The following ERBB3 variants were observed in gnomAD, a reference collection of about 807,000 sequenced individuals.
The protein encoded by ERBB3 is receptor tyrosine-protein kinase erbB-3.
Under a neutral mutation model 156.7 loss-of-function variants are expected in ERBB3, and 96 were observed. The ratio of observed to expected loss-of-function variants is 0.61; its 90% CI spans 0.52 to 0.73. The LOEUF is 0.73. ERBB3 is among the 30% of genes least tolerant of loss of function. The probability of loss-of-function intolerance (pLI) is 0.00; values close to 1 mark genes in which losing one functional copy is unlikely to be tolerated. For missense variants in ERBB3, 1,406 were observed against 1,709.4 expected (o/e 0.82, Z 3.13); for synonymous variants, 567 against 632.0 (o/e 0.90, Z 1.54).
At position 56,101,907 on chromosome 12, in the gene ERBB3, C is replaced by A. The variant is rs1239329934; in HGVS notation, c.3881C>A (p.Ala1294Asp). 3 of 1,613,464 alleles carry A rather than the reference C, an allele frequency of 1.9e-6. No homozygotes were observed. The highest frequency in any genetic ancestry group is 2.2e-5 in the East Asian group (1 of 44,890). Reference protein sequence around the residue: ...ASEQGYEEMRAFQGPGHQAPH... With the variant: ...ASEQGYEEMRDFQGPGHQAPH... ...GAGCAAGGGTATGAAGAGATGAGAG[C>A]TTTTCAGGGGCCTGGACATCAGGCC... The change falls in exon 28 of 28, where the codon GCT (alanine) becomes GAT (aspartate). Residue 1294 changes from alanine to aspartate, a missense_variant. Ala to Asp is a moderately radical substitution (Grantham distance 126, BLOSUM62 -2). Transcript: ENST00000267101.
rs1427383787 is a variant in ERBB3 at position 56,095,311 on chromosome 12, G to A, written c.1913+1G>A. The A allele has an allele frequency of 1.9e-6, 3 of 1,612,894 alleles. No homozygotes were observed. Among genetic ancestry groups the A allele is most frequent in the Non-Finnish European group, 2.5e-6 (3 of 1,178,870 alleles). ...TAGGACAAACACTGGTGCTGATCGG[G>A]TATGATGGGGTTGGAGATTCTGGAA... On this transcript the variant is annotated splice_donor_variant, in intron 16 of 27. Coordinates refer to ENST00000267101, the MANE Select transcript of ERBB3 (RefSeq NM_001982.4). LOFTEE classifies it high-confidence loss of function.
chr12:56,102,871 C>T lies in ERBB3; in HGVS notation c.*816C>T, dbSNP rs1364428943. 1 of 199,862 alleles carries T rather than the reference C, an allele frequency of 5.0e-6. No homozygotes were observed. Among genetic ancestry groups the T allele is most frequent in the African/African-American group, 2.4e-5 (1 of 42,524 alleles). 12.4% of individuals were successfully genotyped at this position (199,862 alleles called of 1,614,324 possible). A position where few individuals can be genotyped will look rare whatever the true frequency, so the allele number is the denominator to read the frequency against. ...GGTGCAGTGGCTCATGCCTGTAATC[C>T]CAGCCAGCACTTTGGGAGGCTGAGA... On this transcript the variant is annotated 3_prime_UTR_variant, in exon 28 of 28. Transcript: ENST00000267101.
In ERBB3 at chr12:56,098,852, G is replaced by A. The variant is rs769811937; in HGVS notation, c.2786G>A (p.Arg929Gln). The A allele has an allele frequency of 5.0e-6, 8 of 1,613,958 alleles. No homozygotes were observed. In the South Asian group the frequency reaches 5.5e-5, roughly 11 times the overall value. Reference protein sequence around the residue: ...EVPDLLEKGERLAQPQICTID... With the variant: ...EVPDLLEKGEQLAQPQICTID... ...CCAGACCTGCTAGAGAAGGGGGAGC[G>A]GTTGGCACAGCCCCAGATCTGCACA... The change falls in exon 23 of 28, where the codon CGG becomes CAG. Residue 929 changes from arginine (R) to glutamine (Q), a missense_variant. Physicochemically the swap from Arg to Gln is conservative, Grantham distance 43. Coordinates refer to ENST00000267101, the MANE Select transcript of ERBB3 (RefSeq NM_001982.4).
chr12:56,081,803 G>C (rs1297625221), intron 1 of ERBB3, among the ~76,000 whole-genome samples: 2 of 152,054 alleles, frequency 1.3e-5, no homozygotes, highest in African/African-American at 4.8e-5. Flanking sequence ...TGGAGGGGAG[G>C]CCTCTGGTTG....
chr12:56,100,255 G>A lies in ERBB3; in HGVS notation c.3201+10G>A, dbSNP rs959832464. 3 of 1,606,236 alleles carry A rather than the reference G, an allele frequency of 1.9e-6. No individual in the cohort carries two copies. The highest frequency in any genetic ancestry group is 1.7e-6 in the Non-Finnish European group (2 of 1,172,828). ...TGGGGAGTCTTGCCAGGTAAGTTCTGTTGCTGAGAGGCTGGGTTTTAGGAT... is the reference window on the plus strand; with the variant it reads ...TGGGGAGTCTTGCCAGGTAAGTTCTATTGCTGAGAGGCTGGGTTTTAGGAT... On this transcript the variant is annotated intron_variant, in intron 26 of 27. Transcript: ENST00000267101.
In ERBB3 at chr12:56,094,192, A is replaced by ATACCGAC; in HGVS notation, c.1704+6_1704+7insCGACTAC. The ATACCGAC allele has an allele frequency of 6.2e-7, 1 of 1,609,230 alleles. No homozygotes were observed. Among genetic ancestry groups the ATACCGAC allele is most frequent in the East Asian group, 2.2e-5 (1 of 44,862 alleles). ...GCACTGCCACATGCAATGGCTCGGT[A>ATACCGAC]TACTAGTAGCACCAGGATCTCCAAG... On this transcript the variant is annotated splice_donor_region_variant and intron_variant, in intron 14 of 27. Transcript: ENST00000267101.
chr12:56,097,807 A>G lies in ERBB3; in HGVS notation c.2483A>G (p.His828Arg), dbSNP rs749096091. The G allele has an allele frequency of 1.9e-6, 3 of 1,614,030 alleles. No homozygotes were observed. The highest frequency in any genetic ancestry group is 4.5e-5 in the East Asian group (2 of 44,874). The change falls in exon 21 of 28, where the codon CAT becomes CGT. Residue 828 changes from histidine (H) to arginine (R), a missense_variant. Coordinates refer to ENST00000267101, the MANE Select transcript of ERBB3 (RefSeq NM_001982.4). ...IAKGMYYLEE[H>R]GMVHRNLAAR... ...CAGGGAATGTACTACCTTGAGGAACATGGTATGGTGCATAGAAACCTGGCT... is the reference window on the plus strand; with the variant it reads ...CAGGGAATGTACTACCTTGAGGAACGTGGTATGGTGCATAGAAACCTGGCT...
In ERBB3 at chr12:56,092,732, T is replaced by A. The variant is rs376339018; in HGVS notation, c.1110-15T>A. 3.1e-6 allele frequency: 5 copies of A among 1,603,722 alleles called. No individual in the cohort carries two copies. Among genetic ancestry groups the A allele is most frequent in the Non-Finnish European group, 3.4e-6 (4 of 1,170,624 alleles). On this transcript the variant is annotated splice_polypyrimidine_tract_variant and intron_variant, in intron 9 of 27. Coordinates refer to ENST00000267101, the MANE Select transcript of ERBB3 (RefSeq NM_001982.4). ...TACCTTTACCTTATTGACTGGTTTCTACTGTTCTATTCAGAGACCCCTGGC... is the reference window on the plus strand; with the variant it reads ...TACCTTTACCTTATTGACTGGTTTCAACTGTTCTATTCAGAGACCCCTGGC...
In ERBB3 at chr12:56,085,329, A is replaced by C. The variant is rs747927084; in HGVS notation, c.421+148A>C. The C allele has an allele frequency of 3.9e-6, 6 of 1,522,266 alleles. No homozygotes were observed. In the South Asian group the frequency reaches 7.7e-5, roughly 19 times the overall value. 94.3% of individuals were successfully genotyped at this position (1,522,266 alleles called of 1,614,324 possible). On this transcript the variant is annotated intron_variant, in intron 3 of 27. Transcript: ENST00000267101. Reference sequence around the variant, plus strand: ...GCTGTCTAAAGGTCCATTGCTCCCTAAGCAATAGAGGGCCCCCAGTAGGGG... The same window carrying C: ...GCTGTCTAAAGGTCCATTGCTCCCTCAGCAATAGAGGGCCCCCAGTAGGGG...
intron 23 of ERBB3, among the ~76,000 whole-genome samples, chr12:56,099,237 T>G (rs118067691): frequency 0.031 from 4,670 of 151,642 alleles, 97 homozygotes; most frequent in Middle Eastern, 0.069. Context: ...ATTACAGGTG[T>G]GAGCCATCAT....
chr12:56,101,505 C>G (rs758891575), intron 27 of ERBB3, 24 bp from the exon 28 acceptor site: 1 of 1,612,430 alleles, frequency 6.2e-7, no homozygotes, highest in Admixed American at 1.7e-5. Flanking sequence ...CTTCACATAC[C>G]TAGCCTTTCT....
intron 9 of ERBB3, among the ~76,000 whole-genome samples, chr12:56,092,518 A>G (rs1287997285): frequency 6.6e-6 from 1 of 151,274 alleles, no homozygotes; most frequent in African/African-American, 2.4e-5. Flanking sequence ...AGCCCCTCCA[A>G]GTTGGCTCCT....
In ERBB3 at chr12:56,097,841, C is replaced by T. The variant is rs558851810; in HGVS notation, c.2517C>T (p.Asn839=). The change falls in exon 21 of 28, where the codon AAC becomes AAT. Residue 839 remains asparagine, a synonymous_variant. Transcript: ENST00000267101. ...GMVHRNLAAR[N]VLLKSPSQVQ... is the part of the protein sequence containing the mutation. Reference sequence around the variant, plus strand: ...TGCATAGAAACCTGGCTGCCCGAAACGTGCTACTCAAGTCACCCAGTCAGG... The same window carrying T: ...TGCATAGAAACCTGGCTGCCCGAAATGTGCTACTCAAGTCACCCAGTCAGG... 38 of 1,614,018 alleles carry T rather than the reference C, an allele frequency of 2.4e-5. 1 individual carries two copies. In the South Asian group the frequency reaches 3.6e-4, roughly 15 times the overall value.
At chr12:56,088,913 C>A (rs1868576500) in intron 9 of ERBB3, 45 bp downstream of exon 9, 1 of 1,612,854 alleles carries the variant, frequency 6.2e-7, no homozygotes, top group Non-Finnish European at 8.5e-7. Context: ...CCCACGCACC[C>A]CTCACAGTTC....
intron 1 of ERBB3, 155 bp from the exon 2 acceptor site, chr12:56,083,596 C>T: frequency 1.3e-6 from 1 of 777,294 alleles, no homozygotes; most frequent in East Asian, 2.5e-5. Context: ...ACTACAGCTT[C>T]TGCCTATCGC....
At chr12:56,080,805 A>G (rs1286642330) in intron 1 of ERBB3, among the ~76,000 whole-genome samples, 1 of 151,724 alleles carries the variant, frequency 6.6e-6, no homozygotes, top group Non-Finnish European at 1.5e-5. Flanking sequence ...AGCTACCCCT[A>G]GTTTCGTTGT....
chr12:56,084,938 G>C, intron 2 of ERBB3, 57 bp from the exon 3 acceptor site: 1 of 1,612,188 alleles, frequency 6.2e-7, no homozygotes, highest in Non-Finnish European at 8.5e-7. Flanking sequence ...GAGGAGAGGA[G>C]ATTGAGATTA....
intron 21 of ERBB3, 89 bp from the exon 22 acceptor site, chr12:56,098,411 C>CAA (rs375692480): frequency 1.5e-3 from 1,247 of 813,516 alleles, no homozygotes; most frequent in Non-Finnish European, 1.8e-3. Context: ...GACTCCGTCT[C>CAA]AAAAAAAAAA....
At chr12:56,083,407 G>T (rs187218416) in intron 1 of ERBB3, 12 of 367,638 alleles carry the variant, frequency 3.3e-5, no homozygotes, top group Non-Finnish European at 5.8e-5. Flanking sequence ...TCAAAGTTGC[G>T]GCCTTTTCCT....
Sources: gnomAD v4.1 joint callset for allele counts (sites outside exome capture counted in the v4.1 genomes callset) on GRCh38, gnomAD v4.1.1 for gene constraint, MANE v1.5 for transcripts, NCBI Gene and HGNC (gene_info 2026-07-23, HGNC 2026-07-21) for gene names.